Variants in BOP1 observed in about 807,000 individuals in gnomAD.
BOP1 encodes the protein BOP1 ribosomal biogenesis factor, also known as ribosome biogenesis protein BOP1.
A neutral mutation model predicts 82.9 loss-of-function variants in BOP1; 54 were observed. The ratio of observed to expected loss-of-function variants is 0.65; its 90% CI spans 0.52 to 0.82. The LOEUF (loss-of-function observed/expected upper bound fraction) is 0.82, where lower values mean the gene tolerates loss of function less well. BOP1 is among the 40% of genes least tolerant of loss of function. The pLI, the probability that BOP1 is intolerant of heterozygous loss-of-function variation, is 0.00. For missense variants in BOP1, 1,170 were observed against 1,072.0 expected (o/e 1.09, Z -1.28); for synonymous variants, 566 against 451.1 (o/e 1.25, Z -3.23).
chr8:144,268,278 C>A, intron 3 of BOP1: 1 of 1,284,122 alleles, frequency 7.8e-7, no homozygotes, highest in Admixed American at 2.2e-5. Context: ...GCCCTGGCTG[C>A]GAGCGGGGCC....
intron 4 of BOP1, 30 bp from the exon 5 acceptor site, chr8:144,264,861 CCTGCCCCACCCCT>C (rs1845319572): frequency 2.5e-6 from 4 of 1,608,594 alleles, no homozygotes; most frequent in Non-Finnish European, 3.4e-6. Context: ...CCCCGCCAGC[CCTGCCCCACCCCT>C]CGGGCCCACC....
At chr8:144,274,975 G>A (rs1304910912) in intron 3 of BOP1, among the ~76,000 whole-genome samples, 3 of 152,196 alleles carry the variant, frequency 2.0e-5, no homozygotes, top group Admixed American at 1.3e-4. Flanking sequence ...GAGTGAGCCC[G>A]CTGCTCCGGC....
Position 144,263,987 on chromosome 8 carries a change from C to G in BOP1, c.1134G>C (p.Lys378Asn). ...LDLYLCPRQRKMRVNVDPEDL... is the reference protein window; with the variant it reads ...LDLYLCPRQRNMRVNVDPEDL... The stretch of plus-strand genomic sequence containing the variant: ...GTGTGCCACCCCCACACACCCTCAT[C>G]TTGCGCTGCCGTGGGCACAGGTACA... The change falls in exon 8 of 16, where the codon AAG (lysine) becomes AAC (asparagine). Residue 378 changes from lysine (K) to asparagine (N), a missense_variant. Lys to Asn is a moderately conservative substitution (Grantham distance 94). Transcript: ENST00000569669. 6.2e-7 allele frequency: 1 copy of G among 1,609,956 alleles called. No homozygotes were observed. The highest frequency in any genetic ancestry group is 8.5e-7 in the Non-Finnish European group (1 of 1,179,760).
At chr8:144,262,759 G>T in intron 13 of BOP1, 87 bp from the exon 14 acceptor site, 1 of 1,457,930 alleles carries the variant, frequency 6.9e-7, no homozygotes, top group Non-Finnish European at 9.2e-7. Flanking sequence ...CTCACCTGCA[G>T]GGTGCACTGC....
At chr8:144,266,708 G>A in intron 3 of BOP1, 1 of 1,218,032 alleles carries the variant, frequency 8.2e-7, no homozygotes, top group Non-Finnish European at 1.0e-6. Context: ...GGCAGCGACA[G>A]CTCGGGCTCC....
rs1027519016 is a variant in BOP1, at chr8:144,264,431, G to T, written c.772C>A (p.Arg258Ser). The T allele has an allele frequency of 6.2e-7, 1 of 1,603,588 alleles. No individual in the cohort carries two copies. Among genetic ancestry groups the T allele is most frequent in the Admixed American group, 1.7e-5 (1 of 59,998 alleles). ...PSLVEKEKVSRMVHAIKMGWI... is the reference protein window; with the variant it reads ...PSLVEKEKVSSMVHAIKMGWI... ...CCCATCTTGATGGCGTGCACCATGC[G>T]AGAGACCTGCATAGACAGCCGGGTC... Residue 258 changes from arginine (R) to serine (S), a missense_variant, in exon 7 of 16, where the codon CGC (arginine) becomes AGC (serine). Coordinates refer to ENST00000569669, the MANE Select transcript of BOP1 (RefSeq NM_015201.5).
At position 144,262,492 on chromosome 8, in the gene BOP1, T is replaced by G; in HGVS notation, c.1991A>C (p.Lys664Thr). 1.9e-6 allele frequency: 3 copies of G among 1,612,598 alleles called. No individual in the cohort carries two copies. The highest frequency in any genetic ancestry group is 1.1e-5 in the South Asian group (1 of 91,052). Residue 664 changes from lysine to threonine, a missense_variant, in exon 15 of 16, where the codon AAG (lysine) becomes ACG (threonine). By Grantham distance (78) the Lys-to-Thr change is moderately conservative. Transcript: ENST00000569669. The part of the protein sequence containing the change: ...KPYRMLRHHK[K>T]ALRAVAFHPR... ...GTGGAAGGCCACAGCCCGCAGAGCC[T>G]TCTTGTGGTGTCTGGGGGGAGGGAA...
intron 3 of BOP1, among the ~76,000 whole-genome samples, chr8:144,276,002 C>T (rs1845563013): frequency 6.6e-6 from 1 of 152,210 alleles, no homozygotes; most frequent in South Asian, 2.1e-4. Flanking sequence ...CCTTCACAAG[C>T]CATGATGACA....
intron 3 of BOP1, among the ~76,000 whole-genome samples, chr8:144,274,535 G>A (rs757129701): frequency 6.6e-6 from 1 of 152,252 alleles, no homozygotes; most frequent in African/African-American, 2.4e-5. Flanking sequence ...ATCTGTCCGG[G>A]CCTGGCCTGG....
chr8:144,267,869 T>C (rs1845414826), intron 3 of BOP1, among the ~76,000 whole-genome samples: 1 of 152,172 alleles, frequency 6.6e-6, no homozygotes, highest in African/African-American at 2.4e-5. Context: ...CCATTTCCTC[T>C]CCAGACAGCA....
At chr8:144,270,558 G>C (rs963661600) in intron 3 of BOP1, among the ~76,000 whole-genome samples, 1 of 152,102 alleles carries the variant, frequency 6.6e-6, no homozygotes, top group African/African-American at 2.4e-5. Context: ...AGCAGCGGCC[G>C]AGGGCCCGGC....
At chr8:144,285,476 ACAT>A (rs1437818903) in intron 2 of BOP1, among the ~76,000 whole-genome samples, 10 of 152,112 alleles carry the variant, frequency 6.6e-5, no homozygotes, top group Admixed American at 3.3e-4. Context: ...ATTAGCAAAA[ACAT>A]CATCTCGTCC....
At chr8:144,281,622 TCTCTTACTTTA>T (rs1845685599) in intron 2 of BOP1, 1 of 150,974 alleles carries the variant, frequency 6.6e-6, no homozygotes, top group South Asian at 2.1e-4. Context: ...TCTTAGGCCT[TCTCTTACTTTA>T]ATACTAGGTC....
chr8:144,262,082 G>A lies in BOP1; in HGVS notation c.*82C>T, dbSNP rs1338810877. On this transcript the variant is annotated 3_prime_UTR_variant, in exon 16 of 16. Coordinates refer to ENST00000569669, the MANE Select transcript of BOP1 (RefSeq NM_015201.5). ...GGCTTTGTTGGCAACCCCAATTCAA[G>A]AAGGTGGGAGCACCAGGCAGCACAG... 1.3e-6 allele frequency: 2 copies of A among 1,592,314 alleles called. No individual in the cohort carries two copies. Among genetic ancestry groups the A allele is most frequent in the Non-Finnish European group, 1.7e-6 (2 of 1,167,922 alleles).
At chr8:144,271,747 C>T (rs549647653) in intron 3 of BOP1, among the ~76,000 whole-genome samples, 3 of 152,108 alleles carry the variant, frequency 2.0e-5, no homozygotes, top group Non-Finnish European at 4.4e-5. Flanking sequence ...ACCAGCTGAG[C>T]GAACCCCCAG....
chr8:144,283,662 G>A (rs78164675), intron 2 of BOP1, among the ~76,000 whole-genome samples: 145 of 152,296 alleles, frequency 9.5e-4, no homozygotes, highest in African/African-American at 3.2e-3. Flanking sequence ...CCAGCTGTGC[G>A]AGCCTCATTC....
At chr8:144,275,310 G>A (rs1444487912) in intron 3 of BOP1, among the ~76,000 whole-genome samples, 1 of 152,150 alleles carries the variant, frequency 6.6e-6, no homozygotes, top group Non-Finnish European at 1.5e-5. Context: ...CACTGAGGAG[G>A]GTATAGGCAG....
In BOP1 at chr8:144,265,081, G is replaced by A; in HGVS notation, c.391-10C>T. On this transcript the variant is annotated splice_polypyrimidine_tract_variant and intron_variant, in intron 3 of 15. Coordinates refer to ENST00000569669, the MANE Select transcript of BOP1 (RefSeq NM_015201.5). The stretch of plus-strand genomic sequence containing the variant: ...CCGTGTTCCGGATGTCCTGCAGCCG[G>A]GGGCCACCATGTCGGCATCTGATCC... 1 of 1,605,990 alleles carries A rather than the reference G, an allele frequency of 6.2e-7. No individual in the cohort carries two copies. The highest frequency in any genetic ancestry group is 1.7e-5 in the Admixed American group (1 of 59,784).
At chr8:144,267,994 G>T in intron 3 of BOP1, 1 of 1,489,876 alleles carries the variant, frequency 6.7e-7, no homozygotes, top group Non-Finnish European at 9.1e-7. Flanking sequence ...AGCCGGGAAG[G>T]AGGTGCCTTG....
Sources: gnomAD v4.1 joint callset for allele counts (sites outside exome capture counted in the v4.1 genomes callset) on GRCh38, gnomAD v4.1.1 for gene constraint, MANE v1.5 for transcripts, NCBI Gene and HGNC (gene_info 2026-07-23, HGNC 2026-07-21) for gene names.